Variants in TNR observed in about 807,000 individuals in gnomAD.
TNR encodes tenascin-R.
In TNR, 45 loss-of-function variants were observed where a neutral mutation model predicts 150.4. The observed-to-expected ratio is 0.30, with a 90% CI of 0.24 to 0.38. The LOEUF is 0.38. Among genes scored for constraint, TNR ranks in the 10% least tolerant of loss-of-function variants. TNR has a pLI of 1.00. For synonymous variants in TNR, 687 were observed against 678.4 expected (o/e 1.01, Z -0.20); for missense variants, 1,544 against 1,759.1 (o/e 0.88, Z 2.19).
intron 2 of TNR, among the ~76,000 whole-genome samples, chr1:175,503,132 T>C (rs1658807059): frequency 6.6e-6 from 1 of 152,132 alleles, no homozygotes; most frequent in African/African-American, 2.4e-5. Flanking sequence ...CAGTACACGT[T>C]GCTGAGGATG....
intron 2 of TNR, among the ~76,000 whole-genome samples, chr1:175,473,351 CAGAG>C (rs1175864945): frequency 1.3e-5 from 2 of 152,192 alleles, no homozygotes; most frequent in Non-Finnish European, 2.9e-5. Flanking sequence ...AGCAGCCCCC[CAGAG>C]ATGCTCTCGG....
At chr1:175,536,766 C>A (rs1302639517) in intron 1 of TNR, among the ~76,000 whole-genome samples, 1 of 152,168 alleles carries the variant, frequency 6.6e-6, no homozygotes, top group East Asian at 1.9e-4. Context: ...TTCCAGGCAC[C>A]AAAGGAAGTG....
chr1:175,343,634 T>G (rs566375726), intron 18 of TNR, among the ~76,000 whole-genome samples: 1 of 152,352 alleles, frequency 6.6e-6, no homozygotes, highest in Non-Finnish European at 1.5e-5. Context: ...TATAATCATC[T>G]GGCTCTTACC....
chr1:175,399,955 A>T (rs1428185927), intron 4 of TNR, among the ~76,000 whole-genome samples: 1 of 152,220 alleles, frequency 6.6e-6, no homozygotes, highest in Non-Finnish European at 1.5e-5. Flanking sequence ...GTCCTGACAG[A>T]GCAGAGGCTG....
chr1:175,718,199 T>C (rs900131714), intron 1 of TNR, among the ~76,000 whole-genome samples: 8 of 152,186 alleles, frequency 5.3e-5, no homozygotes, highest in African/African-American at 1.7e-4. Context: ...CAAAATATCA[T>C]GTAGAGCCAA....
intron 1 of TNR, among the ~76,000 whole-genome samples, chr1:175,564,749 C>T (rs1028874102): frequency 6.6e-6 from 1 of 152,140 alleles, no homozygotes; most frequent in Non-Finnish European, 1.5e-5. Context: ...AGCCCTTCTG[C>T]ATTCTTGCTG....
intron 2 of TNR, among the ~76,000 whole-genome samples, chr1:175,490,097 A>T (rs984426560): frequency 4.6e-5 from 7 of 152,226 alleles, no homozygotes; most frequent in African/African-American, 1.7e-4. Context: ...GATCTTTGAC[A>T]AGCCTGACAA....
At chr1:175,386,801 C>T (rs1422633755) in intron 7 of TNR, among the ~76,000 whole-genome samples, 1 of 152,212 alleles carries the variant, frequency 6.6e-6, no homozygotes, top group Admixed American at 6.5e-5. Flanking sequence ...CTCAGCCACT[C>T]TAACAGCACA....
intron 2 of TNR, among the ~76,000 whole-genome samples, chr1:175,428,664 G>A (rs914564100): frequency 2.0e-5 from 3 of 152,082 alleles, no homozygotes; most frequent in Non-Finnish European, 2.9e-5. Context: ...TTATATGTTG[G>A]CCATATAACA....
Position 175,371,182 on chromosome 1 carries a change from GC to G in TNR, c.1964-3886del, listed in dbSNP as rs1652088623. 2.0e-5 allele frequency among the ~76,000 whole-genome samples: 3 copies of G among 152,124 alleles called. No individual in the cohort carries two copies. In the South Asian group the frequency reaches 6.2e-4, roughly 32 times the overall value. ...AAAGACCCCATTGCTCTCTATCAAT[GC>G]CCCCTTTATCTCTCCATCCAACTCC... On this transcript the variant is annotated intron_variant, in intron 9 of 22. Transcript: ENST00000367674.
chr1:175,330,542 C>T (rs1399080785), intron 20 of TNR: 1 of 250,422 alleles, frequency 4.0e-6, no homozygotes, highest in Non-Finnish European at 7.6e-6. Context: ...TGTCCCCTCT[C>T]ACCTCCTCTG....
At chr1:175,417,837 C>T (rs1028255671) in intron 2 of TNR, among the ~76,000 whole-genome samples, 1 of 152,108 alleles carries the variant, frequency 6.6e-6, no homozygotes, top group African/African-American at 2.4e-5. Flanking sequence ...GTTGATCCTT[C>T]CAGCAGGAAG....
intron 2 of TNR, among the ~76,000 whole-genome samples, chr1:175,482,943 G>A (rs537158950): frequency 1.3e-5 from 2 of 152,340 alleles, no homozygotes; most frequent in Admixed American, 6.5e-5. Flanking sequence ...GGGGAAGTCT[G>A]CCATTCCATT....
At chr1:175,673,604 A>G (rs1186081265) in intron 1 of TNR, among the ~76,000 whole-genome samples, 12 of 152,246 alleles carry the variant, frequency 7.9e-5, no homozygotes. Context: ...ACTCAGCTCC[A>G]TGCTGCTAGC....
chr1:175,399,511 T>C (rs938410007), intron 4 of TNR, among the ~76,000 whole-genome samples: 1 of 152,222 alleles, frequency 6.6e-6, no homozygotes, highest in Admixed American at 6.5e-5. Flanking sequence ...ACTGGCGTCA[T>C]TCCTCGTGGA....
chr1:175,318,434 A>AT lies in TNR; in HGVS notation c.*4922dup, dbSNP rs1229658449. ...GATACAATTAGAAAGAACCAGAGAC[A>AT]TTTTTTCAAATTGGACCTGAATCTA... On this transcript the variant is annotated 3_prime_UTR_variant, in exon 23 of 23. Coordinates refer to ENST00000367674, the MANE Select transcript of TNR (RefSeq NM_003285.3). The AT allele has an allele frequency of 2.0e-5, 3 of 151,886 alleles. No homozygotes were observed. The highest frequency in any genetic ancestry group is 2.9e-5 in the Non-Finnish European group (2 of 67,970). The allele number at this position is 151,886 out of a possible 1,614,324, so 9.4% of individuals were successfully genotyped here. A position where few individuals can be genotyped will look rare whatever the true frequency, so the allele number is the denominator to read the frequency against.
At chr1:175,419,096 G>C (rs1654636774) in intron 2 of TNR, among the ~76,000 whole-genome samples, 1 of 152,124 alleles carries the variant, frequency 6.6e-6, no homozygotes, top group South Asian at 2.1e-4. Flanking sequence ...TTGGAGAATG[G>C]TTCTTCAGGG....
rs372276405 is a variant in TNR at position 175,723,340 on chromosome 1, T to C, written c.-165+19886A>G. 7.9e-5 allele frequency among the ~76,000 whole-genome samples: 12 copies of C among 152,288 alleles called. No homozygotes were observed. In the East Asian group the frequency reaches 1.7e-3, roughly 22 times the overall value. On this transcript the variant is annotated intron_variant, in intron 1 of 22. Coordinates refer to ENST00000367674, the MANE Select transcript of TNR (RefSeq NM_003285.3). ...TAAAAAGGGGTCCTCAGAAGGACTT[T>C]CATAGGAGCTCAGCCCTTATCTGCA...
At chr1:175,585,522 T>A (rs1021979903) in intron 1 of TNR, among the ~76,000 whole-genome samples, 1 of 152,204 alleles carries the variant, frequency 6.6e-6, no homozygotes, top group Admixed American at 6.5e-5. Context: ...ATAACTTGAA[T>A]GAATACCATA....
Sources: gnomAD v4.1 joint callset for allele counts (sites outside exome capture counted in the v4.1 genomes callset) on GRCh38, gnomAD v4.1.1 for gene constraint, MANE v1.5 for transcripts, NCBI Gene and HGNC (gene_info 2026-07-23, HGNC 2026-07-21) for gene names.